SPSB4: variants seen among roughly 807,000 people sequenced by gnomAD.
SPSB4 encodes SPRY domain-containing SOCS box protein 4.
A neutral mutation model predicts 20.9 loss-of-function variants in SPSB4; 21 were observed. The ratio of observed to expected loss-of-function variants is 1.01; its 90% CI spans 0.71 to 1.45. The LOEUF is 1.45. SPSB4 is among the 40% of genes most tolerant of loss of function. The probability of loss-of-function intolerance (pLI) is 0.00; values close to 1 mark genes in which losing one functional copy is unlikely to be tolerated. For missense variants in SPSB4, 399 were observed against 399.2 expected, an observed-to-expected ratio of 1.00 and a Z score of 0.00; for synonymous variants, 207 against 183.8, an observed-to-expected ratio of 1.13 and a Z score of -1.02.
chr3:141,090,181 T>C (rs1189836768), intron 2 of SPSB4, among the ~76,000 whole-genome samples: 1 of 152,196 alleles, frequency 6.6e-6, no homozygotes, highest in Non-Finnish European at 1.5e-5. Context: ...CCACCATGTG[T>C]CCATGAGAAA....
chr3:141,085,374 A>G (rs1450568267), intron 2 of SPSB4, among the ~76,000 whole-genome samples: 1 of 152,204 alleles, frequency 6.6e-6, no homozygotes, highest in African/African-American at 2.4e-5. Context: ...GTGGGGCTCC[A>G]TGATCACTGC....
At chr3:141,138,132 A>G (rs1939259033) in intron 2 of SPSB4, among the ~76,000 whole-genome samples, 1 of 152,186 alleles carries the variant, frequency 6.6e-6, no homozygotes, top group African/African-American at 2.4e-5. Context: ...AGAGGTGTTT[A>G]TAGTATTCTC....
intron 2 of SPSB4, among the ~76,000 whole-genome samples, chr3:141,140,024 TG>T (rs1178997292): frequency 6.6e-6 from 1 of 152,230 alleles, no homozygotes; most frequent in African/African-American, 2.4e-5. Flanking sequence ...TCGGAGGCTT[TG>T]TTCATTTCTT....
intron 2 of SPSB4, among the ~76,000 whole-genome samples, chr3:141,114,226 G>A (rs1196264054): frequency 6.6e-6 from 1 of 152,142 alleles, no homozygotes; most frequent in Non-Finnish European, 1.5e-5. Context: ...AATACCAGGG[G>A]TGAATTCAGT....
chr3:141,142,250 C>T lies in SPSB4; in HGVS notation c.695-4892C>T, dbSNP rs566586914. On this transcript the variant is annotated intron_variant, in intron 2 of 2. Coordinates refer to ENST00000310546, the MANE Select transcript of SPSB4 (RefSeq NM_080862.3). ...TTTTTGTAAGTTGTGTCACTATTAT[C>T]GTTCCATTCAAAGAAATTTTACATT... Among the ~76,000 whole-genome samples the T allele has an allele frequency of 5.9e-5, 9 of 152,302 alleles. No individual in the cohort carries two copies. The East Asian group carries it at 7.7e-4, about 13-fold the overall frequency.
chr3:141,066,262 G>A lies in SPSB4; in HGVS notation c.158G>A (p.Arg53Gln), dbSNP rs960470264. 1.3e-6 allele frequency: 2 copies of A among 1,548,620 alleles called. No homozygotes were observed. Among genetic ancestry groups the A allele is most frequent in the Non-Finnish European group, 1.7e-6 (2 of 1,148,158 alleles). Reference sequence around the variant, plus strand: ...GCGGCGGGGCTGGCTGTGCAGCTGCGGCACGCGTGGAACCCCGAGGACCGC... The same window carrying A: ...GCGGCGGGGCTGGCTGTGCAGCTGCAGCACGCGTGGAACCCCGAGGACCGC... ...MPAAGLAVQL[R>Q]HAWNPEDRSL... The change falls in exon 2 of 3, where the codon CGG becomes CAG. Residue 53 changes from arginine to glutamine, a missense_variant. Coordinates refer to ENST00000310546, the MANE Select transcript of SPSB4 (RefSeq NM_080862.3).
At chr3:141,059,558 T>C (rs1288955788) in intron 1 of SPSB4, among the ~76,000 whole-genome samples, 1 of 152,008 alleles carries the variant, frequency 6.6e-6, no homozygotes, top group Admixed American at 6.6e-5. Context: ...ACTCAGTCAC[T>C]ATCCCTAAGA....
At chr3:141,052,057 G>A (rs553389490) in intron 1 of SPSB4, 65 bp downstream of exon 1, 2 of 152,754 alleles carry the variant, frequency 1.3e-5, no homozygotes, top group African/African-American at 4.8e-5. Flanking sequence ...CGGCTGCACG[G>A]ACTTTGTGCG....
intron 2 of SPSB4, among the ~76,000 whole-genome samples, chr3:141,095,620 C>T (rs1470698705): frequency 1.3e-5 from 2 of 152,082 alleles, no homozygotes; most frequent in African/African-American, 2.4e-5. Flanking sequence ...CTGTGCCCAC[C>T]CAAACTTCCT....
At chr3:141,099,182 T>C (rs1387044433) in intron 2 of SPSB4, among the ~76,000 whole-genome samples, 1 of 150,764 alleles carries the variant, frequency 6.6e-6, no homozygotes, top group Non-Finnish European at 1.5e-5. Context: ...TGGGATAATA[T>C]GACTTTTTTT....
rs534113597 is a variant in SPSB4, at chr3:141,065,306, C to A, written c.-153-646C>A. 9.3e-4 allele frequency among the ~76,000 whole-genome samples: 141 copies of A among 152,332 alleles called. 1 individual carries two copies. Among genetic ancestry groups the A allele is most frequent in the South Asian group, 8.3e-4 (4 of 4,828 alleles). ...TTCCCACGCTGCCTGATGTCCATGT[C>A]CCTGGTGACCCTGCTGCACCTTGTT... is the stretch of plus-strand genomic sequence containing the variant. On this transcript the variant is annotated intron_variant, in intron 1 of 2. Transcript: ENST00000310546.
chr3:141,066,635 G>T lies in SPSB4; in HGVS notation c.531G>T (p.Leu177=). Residue 177 remains leucine, a synonymous_variant, in exon 2 of 3, where the codon CTG becomes CTT. Coordinates refer to ENST00000310546, the MANE Select transcript of SPSB4 (RefSeq NM_080862.3). ...PDEAFALPDS[L]LVVLDMDEGT... ...AGGCCTTTGCGCTGCCCGACTCGCT[G>T]CTCGTGGTGCTGGACATGGATGAGG... 6.2e-7 allele frequency: 1 copy of T among 1,610,776 alleles called. No individual in the cohort carries two copies. The highest frequency in any genetic ancestry group is 8.5e-7 in the Non-Finnish European group (1 of 1,178,466).
intron 2 of SPSB4, among the ~76,000 whole-genome samples, chr3:141,136,606 C>T (rs1939232333): frequency 6.6e-6 from 1 of 152,164 alleles, no homozygotes; most frequent in Non-Finnish European, 1.5e-5. Context: ...AATGCTTTCC[C>T]CATGGCTTGT....
At chr3:141,103,302 G>A (rs1938641161) in intron 2 of SPSB4, among the ~76,000 whole-genome samples, 2 of 152,164 alleles carry the variant, frequency 1.3e-5, no homozygotes. Flanking sequence ...AAGTCAACTA[G>A]GACTTGTTAC....
intron 2 of SPSB4, among the ~76,000 whole-genome samples, chr3:141,103,640 A>C (rs75659694): frequency 0.01 from 1,570 of 152,248 alleles, 22 homozygotes; most frequent in African/African-American, 0.036. Flanking sequence ...AATGTAGGGT[A>C]GGTAAGGCCA....
chr3:141,111,354 CTTTTTTTT>C (rs34223433), intron 2 of SPSB4, among the ~76,000 whole-genome samples: 2 of 61,802 alleles, frequency 3.2e-5, no homozygotes, highest in Admixed American at 2.8e-4. Context: ...CTGGAACTTG[CTTTTTTTT>C]TTTTTTTTTT....
At chr3:141,062,826 A>T (rs1042904539) in intron 1 of SPSB4, among the ~76,000 whole-genome samples, 6 of 152,122 alleles carry the variant, frequency 3.9e-5, no homozygotes, top group Non-Finnish European at 7.3e-5. Flanking sequence ...TTCCATGAAC[A>T]CTTGAAAAGA....
chr3:141,100,932 G>A (rs549110004), intron 2 of SPSB4, among the ~76,000 whole-genome samples: 7 of 152,278 alleles, frequency 4.6e-5, no homozygotes, highest in Admixed American at 4.6e-4. Context: ...CTGTGAAGTG[G>A]TTGGAGGCCC....
intron 2 of SPSB4, among the ~76,000 whole-genome samples, chr3:141,108,692 T>C (rs1938738898): frequency 6.6e-6 from 1 of 152,186 alleles, no homozygotes; most frequent in Non-Finnish European, 1.5e-5. Flanking sequence ...AGATGAGCAT[T>C]AATAAAGGGC....
Sources: gnomAD v4.1 joint callset for allele counts (sites outside exome capture counted in the v4.1 genomes callset) on GRCh38, gnomAD v4.1.1 for gene constraint, MANE v1.5 for transcripts, NCBI Gene and HGNC (gene_info 2026-07-23, HGNC 2026-07-21) for gene names.